Variants in AGAP1 observed in about 807,000 individuals in gnomAD.
The protein encoded by AGAP1 is arf-GAP with GTPase, ANK repeat and PH domain-containing protein 1.
AGAP1 carries 29 observed loss-of-function variants against 105.3 expected under a neutral mutation model. That is an observed-to-expected ratio of 0.28 (90% CI 0.21 to 0.38). The LOEUF (loss-of-function observed/expected upper bound fraction) is 0.38. Ranked by LOEUF, AGAP1 falls within the 10% of genes least tolerant of loss-of-function variation. The probability of loss-of-function intolerance (pLI) is 1.00; values close to 1 mark genes in which losing one functional copy is unlikely to be tolerated. For synonymous variants in AGAP1, 509 were observed against 485.9 expected (o/e 1.05, Z -0.63); for missense variants, 998 against 1,165.1 (o/e 0.86, Z 2.09).
intron 9 of AGAP1, among the ~76,000 whole-genome samples, chr2:235,818,825 C>T (rs780032690): frequency 1.3e-5 from 2 of 152,228 alleles, no homozygotes; most frequent in Non-Finnish European, 2.9e-5. Flanking sequence ...CCACCTGCCT[C>T]GGCCTCCCAA....
At chr2:235,554,207 A>G (rs1943901516) in intron 1 of AGAP1, among the ~76,000 whole-genome samples, 1 of 152,238 alleles carries the variant, frequency 6.6e-6, no homozygotes, top group African/African-American at 2.4e-5. Context: ...TGAGCATCTC[A>G]TTTTAATTAG....
Position 235,734,546 on chromosome 2 carries a change from T to G in AGAP1, c.311-6417T>G, listed in dbSNP as rs144618465. ...GGCATGAAAAAAAAAAAAAGAATAG[T>G]AAAAATTAAAAACCCTTTAAAAAGA... On this transcript the variant is annotated intron_variant, in intron 3 of 17. Coordinates refer to ENST00000304032, the MANE Select transcript of AGAP1 (RefSeq NM_001037131.3). The surrounding 1 kb of genome is among the most constrained non-coding windows in gnomAD (Gnocchi z 5.3). Among the ~76,000 whole-genome samples, 1,351 of 150,782 alleles carry G rather than the reference T, an allele frequency of 9.0e-3. 14 individuals carry two copies. Among genetic ancestry groups the G allele is most frequent in the African/African-American group, 0.03 (1,223 of 41,116 alleles).
At chr2:235,539,681 A>G (rs1004718831) in intron 1 of AGAP1, among the ~76,000 whole-genome samples, 3 of 151,768 alleles carry the variant, frequency 2.0e-5, no homozygotes, top group African/African-American at 7.3e-5. Context: ...ATCTAGATCA[A>G]CTCACCTCTC....
Position 235,908,800 on chromosome 2 carries a change from A to G in AGAP1, c.1218A>G (p.Pro406=), listed in dbSNP as rs145394669. Residue 406 remains proline, a synonymous_variant, in exon 11 of 18, where the codon CCA becomes CCG. Transcript: ENST00000304032. The surrounding 1 kb of genome is among the most constrained non-coding windows in gnomAD (Gnocchi z 4.4). ...TTCTGAGAACCACTGTGAAAGTCCC[A>G]GGGAAGAGGCCACCCCGAGCCACGT... ...IDLLRTTVKV[P]GKRPPRATSA... is the part of the protein sequence containing the mutation. 2.5e-4 allele frequency: 396 copies of G among 1,613,950 alleles called. 3 individuals carry two copies. In the African/African-American group the frequency reaches 4.9e-3, roughly 20 times the overall value.
chr2:235,932,949 A>G (rs936369842), intron 12 of AGAP1, among the ~76,000 whole-genome samples: 1 of 152,234 alleles, frequency 6.6e-6, no homozygotes, highest in African/African-American at 2.4e-5. Context: ...TTATTCACAA[A>G]GCAATTTCTA....
chr2:235,671,117 C>T (rs935504455), intron 1 of AGAP1: 8 of 1,240,698 alleles, frequency 6.4e-6, no homozygotes, highest in Admixed American at 8.5e-5. Flanking sequence ...CTTGCCGGTT[C>T]CGCAGCGGCT....
chr2:235,722,664 A>G (rs994199820), intron 3 of AGAP1, among the ~76,000 whole-genome samples: 1 of 152,130 alleles, frequency 6.6e-6, no homozygotes, highest in Admixed American at 6.5e-5. Flanking sequence ...ACTTGATCCC[A>G]TCTGCAAAGA....
Position 235,845,605 on chromosome 2 carries a change from C to A in AGAP1, c.1051-37740C>A, listed in dbSNP as rs1223953307. Reference sequence around the variant, plus strand: ...CCTTCCAGTTATTCCTTTCCTGACCCCCCCCCCGATCTGCTTTTTAATTTC... The same window carrying A: ...CCTTCCAGTTATTCCTTTCCTGACCACCCCCCCGATCTGCTTTTTAATTTC... On this transcript the variant is annotated intron_variant, in intron 9 of 17. Transcript: ENST00000304032. The surrounding 1 kb of genome is among the most constrained non-coding windows in gnomAD (Gnocchi z 4.8). Among the ~76,000 whole-genome samples the A allele has an allele frequency of 0.029, 125 of 4,270 alleles. No individual in the cohort carries two copies. The highest frequency in any genetic ancestry group is 0.068 in the African/African-American group (10 of 146). The allele number at this position is 4,270 out of a possible 152,430, so 2.8% of individuals were successfully genotyped here.
chr2:235,797,844 C>T lies in AGAP1; in HGVS notation c.759C>T (p.Ser253=), dbSNP rs948343300. ...CKSLPNSPSH[S]SVCSAQVSAV... Reference sequence around the variant, plus strand: ...CGCTACCTAATTCTCCCAGCCATTCCTCCGTCTGTTCCGCGCAGGTGTCTG... The same window carrying T: ...CGCTACCTAATTCTCCCAGCCATTCTTCCGTCTGTTCCGCGCAGGTGTCTG... The change falls in exon 7 of 18, where the codon TCC becomes TCT. Residue 253 remains serine (S), a synonymous_variant. Transcript: ENST00000304032. The T allele has an allele frequency of 3.7e-6, 6 of 1,614,228 alleles. No individual in the cohort carries two copies. The highest frequency in any genetic ancestry group is 2.2e-5 in the East Asian group (1 of 44,880).
Position 235,611,017 on chromosome 2 carries a change from A to G in AGAP1, c.164-98162A>G, listed in dbSNP as rs1156504421. On this transcript the variant is annotated intron_variant, in intron 1 of 17. Coordinates refer to ENST00000304032, the MANE Select transcript of AGAP1 (RefSeq NM_001037131.3). The surrounding 1 kb of genome is among the most constrained non-coding windows in gnomAD (Gnocchi z 5.0). ...CGTCTTCCTCATTGAAACTGTGCCC[A>G]TGACCTCCGGAAGCCTGCCAGCCGC... Among the ~76,000 whole-genome samples, 1 of 152,218 alleles carries G rather than the reference A, an allele frequency of 6.6e-6. No individual in the cohort carries two copies. Among genetic ancestry groups the G allele is most frequent in the East Asian group, 1.9e-4 (1 of 5,184 alleles).
intron 1 of AGAP1, among the ~76,000 whole-genome samples, chr2:235,628,039 T>G (rs1246164341): frequency 6.6e-6 from 1 of 152,124 alleles, no homozygotes; most frequent in Non-Finnish European, 1.5e-5. Context: ...GAGCCCCCCA[T>G]GCACTTACTG....
At chr2:235,907,166 G>C (rs1349880687) in intron 10 of AGAP1, among the ~76,000 whole-genome samples, 1 of 152,162 alleles carries the variant, frequency 6.6e-6, no homozygotes, top group Non-Finnish European at 1.5e-5. Context: ...AGAGGCTTCC[G>C]ACCCTTGCAT....
intron 5 of AGAP1, among the ~76,000 whole-genome samples, chr2:235,745,295 C>G (rs758836589): frequency 3.9e-5 from 6 of 152,144 alleles, no homozygotes; most frequent in Non-Finnish European, 8.8e-5. Flanking sequence ...TTATTAAGTT[C>G]TGTTTGTCAC....
At position 235,611,444 on chromosome 2, in the gene AGAP1, G is replaced by A. The variant is rs890627155; in HGVS notation, c.164-97735G>A. Among the ~76,000 whole-genome samples, 4 of 152,210 alleles carry A rather than the reference G, an allele frequency of 2.6e-5. No homozygotes were observed. Among genetic ancestry groups the A allele is most frequent in the African/African-American group, 4.8e-5 (2 of 41,446 alleles). On this transcript the variant is annotated intron_variant, in intron 1 of 17. Transcript: ENST00000304032. The surrounding 1 kb of genome is among the most constrained non-coding windows in gnomAD (Gnocchi z 5.0). ...AGTTATTGTGAAGGAGCTGATTTTT[G>A]GAGGAGTGGTTTGTCTGCAGTTGCA...
intron 1 of AGAP1, among the ~76,000 whole-genome samples, chr2:235,657,004 A>G (rs938809806): frequency 1.4e-4 from 21 of 152,224 alleles, no homozygotes; most frequent in African/African-American, 5.1e-4. Flanking sequence ...TTAATATTCC[A>G]TTGAAAAGTG....
At chr2:235,644,982 G>A (rs1285987238) in intron 1 of AGAP1, among the ~76,000 whole-genome samples, 1 of 151,168 alleles carries the variant, frequency 6.6e-6, no homozygotes, top group Non-Finnish European at 1.5e-5. Flanking sequence ...TGCAACCTCC[G>A]CCTCCCAGGT....
intron 6 of AGAP1, among the ~76,000 whole-genome samples, chr2:235,764,053 C>T (rs547317562): frequency 1.4e-4 from 21 of 151,456 alleles, no homozygotes; most frequent in African/African-American, 4.1e-4. Flanking sequence ...GGCTCCGGCC[C>T]GTGTGTGGCG....
chr2:236,102,402 A>AGT (rs1295076292), intron 16 of AGAP1, among the ~76,000 whole-genome samples: 1 of 136,574 alleles, frequency 7.3e-6, no homozygotes, highest in African/African-American at 2.8e-5. Flanking sequence ...TGGGCGACAG[A>AGT]GCGAGACTCC....
chr2:235,785,788 T>C (rs1956592873), intron 6 of AGAP1, among the ~76,000 whole-genome samples: 1 of 152,248 alleles, frequency 6.6e-6, no homozygotes, highest in Non-Finnish European at 1.5e-5. Context: ...GTATTCTGTC[T>C]TCATAGTTTA....
Sources: gnomAD v4.1 joint callset for allele counts (sites outside exome capture counted in the v4.1 genomes callset) on GRCh38, gnomAD v4.1.1 for gene constraint, Gnocchi (gnomAD v3.1) non-coding constraint, MANE v1.5 for transcripts, NCBI Gene and HGNC (gene_info 2026-07-23, HGNC 2026-07-21) for gene names.